The following SLC4A10 variants were observed in gnomAD, a reference collection of about 807,000 sequenced individuals.
The protein encoded by SLC4A10 is solute carrier family 4 member 10.
Under a neutral mutation model 137.7 loss-of-function variants are expected in SLC4A10, and 42 were observed. That is an observed-to-expected ratio of 0.30 (90% CI 0.24 to 0.39). The LOEUF is 0.39. Among genes scored for constraint, SLC4A10 ranks in the 10% least tolerant of loss-of-function variants. The pLI is 1.00. For synonymous variants in SLC4A10, 474 were observed against 464.1 expected, an observed-to-expected ratio of 1.02 and a Z score of -0.27; for missense variants, 925 against 1,355.0, an observed-to-expected ratio of 0.68 and a Z score of 4.98.
chr2:161,724,724 C>A (rs2046043287), intron 1 of SLC4A10, among the ~76,000 whole-genome samples: 1 of 152,116 alleles, frequency 6.6e-6, no homozygotes, highest in Non-Finnish European at 1.5e-5. Context: ...GTCTTTAATG[C>A]CATTGCCCCC....
At chr2:161,739,539 C>T (rs2047669043) in intron 1 of SLC4A10, among the ~76,000 whole-genome samples, 1 of 152,166 alleles carries the variant, frequency 6.6e-6, no homozygotes, top group Admixed American at 6.5e-5. Context: ...TTTAATAGCA[C>T]TCTGAACATT....
intron 5 of SLC4A10, among the ~76,000 whole-genome samples, chr2:161,855,996 G>GA (rs1559396965): frequency 6.6e-6 from 1 of 152,022 alleles, no homozygotes; most frequent in Non-Finnish European, 1.5e-5. Context: ...TCATGTATAT[G>GA]AAAATAATAT....
intron 2 of SLC4A10, among the ~76,000 whole-genome samples, chr2:161,775,852 C>G (rs78102257): frequency 6.6e-6 from 1 of 151,474 alleles, no homozygotes; most frequent in African/African-American, 2.4e-5. Context: ...ATTAATGAAG[C>G]AAGTTACTTA....
chr2:161,718,765 T>C (rs1262914730), intron 1 of SLC4A10, among the ~76,000 whole-genome samples: 1 of 152,184 alleles, frequency 6.6e-6, no homozygotes, highest in East Asian at 1.9e-4. Context: ...GAAGAATGTA[T>C]ATTCTGTTGT....
intron 1 of SLC4A10, among the ~76,000 whole-genome samples, chr2:161,707,853 G>A (rs201565725): frequency 8.6e-5 from 13 of 151,278 alleles, no homozygotes; most frequent in African/African-American, 2.9e-4. Context: ...AAAATTAAAA[G>A]GTGAATATGT....
At chr2:161,899,105 G>A (rs1207775282) in intron 11 of SLC4A10, among the ~76,000 whole-genome samples, 1 of 152,034 alleles carries the variant, frequency 6.6e-6, no homozygotes, top group Non-Finnish European at 1.5e-5. Context: ...TACTATTGAT[G>A]AAATAGCCAA....
chr2:161,769,759 AT>A (rs2051338515), intron 1 of SLC4A10, among the ~76,000 whole-genome samples: 1 of 151,748 alleles, frequency 6.6e-6, no homozygotes, highest in African/African-American at 2.4e-5. Context: ...CAAGATTGAG[AT>A]ATTGAAATTT....
chr2:161,976,677 G>A (rs933247618), intron 24 of SLC4A10, 83 bp from the exon 25 acceptor site: 2 of 597,006 alleles, frequency 3.4e-6, no homozygotes, highest in East Asian at 3.1e-5. Context: ...ATATATGATT[G>A]CCCTATATTT....
chr2:161,855,236 A>C, intron 5 of SLC4A10, 106 bp downstream of exon 5: 7 of 1,065,430 alleles, frequency 6.6e-6, no homozygotes, highest in Non-Finnish European at 9.3e-6. Context: ...ACTAATTCTC[A>C]TAATCACTGC....
intron 1 of SLC4A10, among the ~76,000 whole-genome samples, chr2:161,629,218 T>C (rs1316830308): frequency 2.6e-5 from 4 of 151,904 alleles, no homozygotes; most frequent in African/African-American, 9.7e-5. Flanking sequence ...ATAGTAAATA[T>C]TAGTTAAGTT....
At chr2:161,863,477 A>G (rs1286929090) in intron 6 of SLC4A10, among the ~76,000 whole-genome samples, 1 of 152,212 alleles carries the variant, frequency 6.6e-6, no homozygotes, top group Admixed American at 6.5e-5. Context: ...GTTTGTGGAA[A>G]AAAGATATTG....
At position 161,899,745 on chromosome 2, in the gene SLC4A10, A is replaced by G. The variant is rs181553997; in HGVS notation, c.1342-1166A>G. Among the ~76,000 whole-genome samples the G allele has an allele frequency of 2.2e-4, 33 of 152,176 alleles. No homozygotes were observed. The East Asian group carries it at 5.4e-3, about 25-fold the overall frequency. On this transcript the variant is annotated intron_variant, in intron 11 of 26. Transcript: ENST00000446997. ...TGATTGGGAAGTAGGTATTGAGGGA[A>G]ACTCTTAAATCCCTTTATTAATGTA...
chr2:161,739,684 T>A (rs1218957427), intron 1 of SLC4A10, among the ~76,000 whole-genome samples: 3 of 152,206 alleles, frequency 2.0e-5, no homozygotes, highest in Admixed American at 6.5e-5. Flanking sequence ...CCAATAGGAG[T>A]GTAGCCCCAT....
intron 23 of SLC4A10, among the ~76,000 whole-genome samples, chr2:161,966,776 A>G (rs1697681305): frequency 6.6e-6 from 1 of 151,552 alleles, no homozygotes; most frequent in Non-Finnish European, 1.5e-5. Flanking sequence ...GGATATTTTG[A>G]TAGTCTCTAT....
At position 161,983,389 on chromosome 2, in the gene SLC4A10, C is replaced by A. The variant is rs1233764950; in HGVS notation, c.*237C>A. On this transcript the variant is annotated 3_prime_UTR_variant, in exon 27 of 27. Transcript: ENST00000446997. The stretch of plus-strand genomic sequence containing the variant: ...AAGTAGTGCAATACTTGTTTCATTT[C>A]TGTGTTTAAACTTCTGAGCAGTGAG... The A allele has an allele frequency of 1.4e-6, 1 of 699,542 alleles. No homozygotes were observed. Among genetic ancestry groups the A allele is most frequent in the East Asian group, 2.8e-5 (1 of 36,218 alleles). 43.3% of individuals were successfully genotyped at this position (699,542 alleles called of 1,614,324 possible). A position where few individuals can be genotyped will look rare whatever the true frequency, so the allele number is the denominator to read the frequency against.
At chr2:161,937,272 T>G (rs2105708957) in intron 15 of SLC4A10, among the ~76,000 whole-genome samples, 1 of 152,324 alleles carries the variant, frequency 6.6e-6, no homozygotes, top group African/African-American at 2.4e-5. Context: ...ATAATCAATG[T>G]TAATCACAAA....
At chr2:161,908,598 TAA>T (rs200861446) in intron 15 of SLC4A10, among the ~76,000 whole-genome samples, 1 of 139,226 alleles carries the variant, frequency 7.2e-6, no homozygotes, top group East Asian at 2.1e-4. Flanking sequence ...ATAATAAAAT[TAA>T]AAAAAAAAAA....
chr2:161,634,252 G>C (rs1261911196), intron 1 of SLC4A10, among the ~76,000 whole-genome samples: 1 of 151,850 alleles, frequency 6.6e-6, no homozygotes, highest in Non-Finnish European at 1.5e-5. Context: ...TTCATGGTTA[G>C]ATTGAGGTTA....
intron 5 of SLC4A10, among the ~76,000 whole-genome samples, chr2:161,862,536 A>G (rs1478944056): frequency 2.6e-5 from 4 of 152,188 alleles, no homozygotes; most frequent in Non-Finnish European, 5.9e-5. Context: ...TATTATCTCT[A>G]CAGCTATTCC....
Sources: allele counts gnomAD v4.1 joint callset (sites outside exome capture counted in the v4.1 genomes callset), GRCh38; gene constraint gnomAD v4.1.1; transcripts MANE v1.5; gene names NCBI Gene and HGNC (gene_info 2026-07-23, HGNC 2026-07-21).